ABHD2: variants seen among roughly 807,000 people sequenced by gnomAD.
ABHD2 encodes monoacylglycerol lipase ABHD2.
In ABHD2, 20 loss-of-function variants were observed where a neutral mutation model predicts 48.1. That is an observed-to-expected ratio of 0.42 (90% confidence interval 0.29 to 0.60). The LOEUF (loss-of-function observed/expected upper bound fraction) is 0.60. ABHD2 is among the 20% of genes least tolerant of loss of function. The pLI is 0.24. For synonymous variants in ABHD2, 209 were observed against 214.2 expected, an observed-to-expected ratio of 0.98 and a Z score of 0.21; for missense variants, 405 against 550.9, an observed-to-expected ratio of 0.74 and a Z score of 2.65.
the ABHD2 span, among the ~76,000 whole-genome samples, chr15:89,058,931 C>A: frequency 6.6e-6 from 1 of 152,200 alleles, no homozygotes; most frequent in East Asian, 1.9e-4. Context: ...ATGGATAATT[C>A]CTGCCTTAAT....
chr15:89,160,642 A>G (rs1299387308), intron 5 of ABHD2, among the ~76,000 whole-genome samples: 2 of 152,164 alleles, frequency 1.3e-5, no homozygotes, highest in South Asian at 2.1e-4. Context: ...TGTCCATACT[A>G]TCCATCCATT....
At chr15:89,180,220 T>C (rs1294113531) in intron 6 of ABHD2, among the ~76,000 whole-genome samples, 1 of 152,216 alleles carries the variant, frequency 6.6e-6, no homozygotes, top group Admixed American at 6.5e-5. Context: ...GGTTGTGAAG[T>C]TGACCTGACC....
the ABHD2 span, among the ~76,000 whole-genome samples, chr15:89,041,451 T>C: frequency 6.6e-6 from 1 of 152,222 alleles, no homozygotes; most frequent in African/African-American, 2.4e-5. Context: ...CCCATCAGTA[T>C]TCACCCGCCT....
In ABHD2 at chr15:89,151,542, A is replaced by G. The variant is rs191913306; in HGVS notation, c.195-135A>G. Reference sequence around the variant, plus strand: ...AATCATGGCACGGATGTAACGTAATAAAAGCCTCATGTTTATGCTTTGTGT... The same window carrying G: ...AATCATGGCACGGATGTAACGTAATGAAAGCCTCATGTTTATGCTTTGTGT... On this transcript the variant is annotated intron_variant, in intron 3 of 10. Coordinates refer to ENST00000352732, the MANE Select transcript of ABHD2 (RefSeq NM_152924.5). This position sits in a 1 kb window ranked among gnomAD's most constrained non-coding sequence, Gnocchi z 4.7. 2,527 of 907,772 alleles carry G rather than the reference A, an allele frequency of 2.8e-3. 9 individuals carry two copies. The highest frequency in any genetic ancestry group is 5.2e-3 in the South Asian group (302 of 58,060). 56.2% of individuals were successfully genotyped at this position (907,772 alleles called of 1,614,324 possible).
At chr15:89,117,114 C>CGGGTTGCAGAA (rs1264192391) in intron 3 of ABHD2, among the ~76,000 whole-genome samples, 6 of 152,150 alleles carry the variant, frequency 3.9e-5, no homozygotes, top group African/African-American at 1.4e-4. Flanking sequence ...CAACCTCCAC[C>CGGGTTGCAGAA]TCCCGGGTTC....
chr15:89,073,086 C>T, the ABHD2 span, among the ~76,000 whole-genome samples: 1 of 152,118 alleles, frequency 6.6e-6, no homozygotes, highest in Non-Finnish European at 1.5e-5. Flanking sequence ...TCTGTATTTT[C>T]ATTTGCTAAA....
At chr15:89,068,969 A>G in the ABHD2 span, among the ~76,000 whole-genome samples, 2 of 151,248 alleles carry the variant, frequency 1.3e-5, no homozygotes, top group African/African-American at 4.9e-5. Context: ...GGGTTTCACC[A>G]TATTGGCCAG....
rs140606556 is a variant in ABHD2 at position 89,168,850 on chromosome 15, G to C, written c.539-6962G>C. On this transcript the variant is annotated intron_variant, in intron 5 of 10. Coordinates refer to ENST00000352732, the MANE Select transcript of ABHD2 (RefSeq NM_152924.5). The surrounding 1 kb of genome is among the most constrained non-coding windows in gnomAD (Gnocchi z 4.8). ...ACTTTGGGAAAGGAAGCCAAGGTGG[G>C]CAGACCTCTTGAGCTCAGAAGTTCG... Among the ~76,000 whole-genome samples the C allele has an allele frequency of 2.0e-5, 3 of 152,260 alleles. No individual in the cohort carries two copies. Among genetic ancestry groups the C allele is most frequent in the African/African-American group, 7.2e-5 (3 of 41,542 alleles).
rs1333482745 is a variant in ABHD2 at position 89,168,572 on chromosome 15, G to A, written c.539-7240G>A. On this transcript the variant is annotated intron_variant, in intron 5 of 10. Transcript: ENST00000352732. The surrounding 1 kb of genome is among the most constrained non-coding windows in gnomAD (Gnocchi z 4.8). ...TCACAGAACATCCAGCAGTCTGTCT[G>A]ACATCAGGCAGGGTTGGCCCTTTAT... 1.3e-5 allele frequency among the ~76,000 whole-genome samples: 2 copies of A among 152,218 alleles called. 1 individual carries two copies. The highest frequency in any genetic ancestry group is 4.8e-5 in the African/African-American group (2 of 41,460).
rs988728615 is a variant in ABHD2 at position 89,114,926 on chromosome 15, G to C, written c.-7+1102G>C. Among the ~76,000 whole-genome samples, 3 of 152,170 alleles carry C rather than the reference G, an allele frequency of 2.0e-5. No individual in the cohort carries two copies. ...GCCCTGATGGTGGAAGACTAGTTACGGAGCTGTGATCTTTTACTTCCATTC... is the reference window on the plus strand; with the variant it reads ...GCCCTGATGGTGGAAGACTAGTTACCGAGCTGTGATCTTTTACTTCCATTC... On this transcript the variant is annotated intron_variant, in intron 2 of 10. Transcript: ENST00000352732. The surrounding 1 kb of genome is among the most constrained non-coding windows in gnomAD (Gnocchi z 4.2).
chr15:89,061,473 G>T, the ABHD2 span, among the ~76,000 whole-genome samples: 1 of 152,062 alleles, frequency 6.6e-6, no homozygotes, highest in South Asian at 2.1e-4. Flanking sequence ...CACTATTTGG[G>T]TGATGGGTTC....
intron 3 of ABHD2, among the ~76,000 whole-genome samples, chr15:89,130,336 C>G (rs2050199425): frequency 2.0e-5 from 3 of 152,162 alleles, no homozygotes; most frequent in Non-Finnish European, 4.4e-5. Flanking sequence ...ATCTCAACAC[C>G]TGCTTCCGTG....
At position 89,140,673 on chromosome 15, in the gene ABHD2, C is replaced by G. The variant is rs147594037; in HGVS notation, c.195-11004C>G. On this transcript the variant is annotated intron_variant, in intron 3 of 10. Coordinates refer to ENST00000352732, the MANE Select transcript of ABHD2 (RefSeq NM_152924.5). ...TCCATTCAAAGGAGCACAGGCCCCC[C>G]CTGTGTGTGATCTGGGAGCCTCACG... Among the ~76,000 whole-genome samples the G allele has an allele frequency of 1.6e-3, 241 of 152,250 alleles. 3 individuals carry two copies. Among genetic ancestry groups the G allele is most frequent in the African/African-American group, 5.4e-3 (225 of 41,542 alleles).
intron 9 of ABHD2, among the ~76,000 whole-genome samples, chr15:89,193,026 G>C (rs1191245146): frequency 1.3e-5 from 2 of 152,180 alleles, no homozygotes; most frequent in Non-Finnish European, 2.9e-5. Context: ...ACACACTCCT[G>C]CTTTCAGGGC....
At chr15:89,049,201 G>A in the ABHD2 span, among the ~76,000 whole-genome samples, 6 of 152,166 alleles carry the variant, frequency 3.9e-5, no homozygotes, top group South Asian at 2.1e-4. Flanking sequence ...TAGGCTGCCC[G>A]GAGGTCAGGC....
intron 1 of ABHD2, chr15:89,103,940 G>A (rs1417591254): frequency 6.6e-6 from 1 of 152,170 alleles, no homozygotes; most frequent in Non-Finnish European, 1.5e-5. Context: ...GGATTTAGCT[G>A]GTAGCATTTG....
intron 3 of ABHD2, among the ~76,000 whole-genome samples, chr15:89,133,773 A>G (rs1956443161): frequency 6.7e-6 from 1 of 149,630 alleles, no homozygotes; most frequent in African/African-American, 2.5e-5. Flanking sequence ...AATTGCAAAT[A>G]TTTGTTCTCA....
At chr15:89,055,807 A>T in the ABHD2 span, among the ~76,000 whole-genome samples, 1 of 152,190 alleles carries the variant, frequency 6.6e-6, no homozygotes, top group Admixed American at 6.5e-5. Context: ...TGTCAAAATG[A>T]TCATGATATG....
At chr15:89,124,189 T>C (rs1285349330) in intron 3 of ABHD2, among the ~76,000 whole-genome samples, 3 of 152,252 alleles carry the variant, frequency 2.0e-5, no homozygotes, top group African/African-American at 7.2e-5. Context: ...GTGCAATATA[T>C]GGAGTTATTT....
Sources: gnomAD v4.1 joint callset for allele counts (sites outside exome capture counted in the v4.1 genomes callset) on GRCh38, gnomAD v4.1.1 for gene constraint, Gnocchi (gnomAD v3.1) non-coding constraint, MANE v1.5 for transcripts, NCBI Gene and HGNC (gene_info 2026-07-23, HGNC 2026-07-21) for gene names.